PLD5: variants seen among roughly 807,000 people sequenced by gnomAD.
PLD5 encodes the protein phospholipase D family member 5.
In PLD5, 36 loss-of-function variants were observed where a neutral mutation model predicts 61.1. The observed-to-expected ratio is 0.59, with a 90% CI of 0.45 to 0.78. The LOEUF (loss-of-function observed/expected upper bound fraction) is 0.78. Ranked by LOEUF, PLD5 falls within the 30% of genes least tolerant of loss-of-function variation. PLD5 has a pLI of 0.00. For missense variants in PLD5, 515 were observed against 644.4 expected, an observed-to-expected ratio of 0.80 and a Z score of 2.17; for synonymous variants, 243 against 242.8, an observed-to-expected ratio of 1.00 and a Z score of -0.01.
intron 3 of PLD5, among the ~76,000 whole-genome samples, chr1:242,284,130 T>C (rs1674881560): frequency 8.4e-6 from 1 of 119,568 alleles, no homozygotes; most frequent in African/African-American, 3.2e-5. Flanking sequence ...TTTTTTTTTT[T>C]TTTTTTTTTT....
intron 7 of PLD5, among the ~76,000 whole-genome samples, chr1:242,113,352 C>T (rs1661693726): frequency 6.6e-6 from 1 of 152,114 alleles, no homozygotes; most frequent in African/African-American, 2.4e-5. Flanking sequence ...CTCGGCCTCC[C>T]AAAGTGCTGG....
chr1:242,307,359 A>G (rs77440916), intron 2 of PLD5, among the ~76,000 whole-genome samples: 3 of 127,342 alleles, frequency 2.4e-5, no homozygotes, highest in African/African-American at 5.6e-5. Flanking sequence ...GGTGATGATG[A>G]TGGTGATGAT....
chr1:242,454,190 A>T (rs1452593131), intron 1 of PLD5, among the ~76,000 whole-genome samples: 1 of 152,050 alleles, frequency 6.6e-6, no homozygotes, highest in Non-Finnish European at 1.5e-5. Context: ...AATATTCGCC[A>T]GGTGTGGTGG....
intron 5 of PLD5, among the ~76,000 whole-genome samples, chr1:242,190,308 G>A (rs918172052): frequency 6.6e-6 from 1 of 151,718 alleles, no homozygotes; most frequent in African/African-American, 2.4e-5. Context: ...ACCACGCCCG[G>A]CTAATTTTTT....
At chr1:242,458,154 G>A (rs987315630) in intron 1 of PLD5, among the ~76,000 whole-genome samples, 4 of 152,118 alleles carry the variant, frequency 2.6e-5, no homozygotes, top group African/African-American at 7.2e-5. Context: ...ATCAAAACAG[G>A]AATCACTGAT....
chr1:242,207,751 TA>T (rs1669417863), intron 5 of PLD5, among the ~76,000 whole-genome samples: 1 of 78,440 alleles, frequency 1.3e-5, no homozygotes, highest in African/African-American at 4.9e-5. Context: ...TATATATTTA[TA>T]TATATTTATA....
At chr1:242,453,560 C>A (rs1424104265) in intron 1 of PLD5, among the ~76,000 whole-genome samples, 1 of 152,084 alleles carries the variant, frequency 6.6e-6, no homozygotes, top group Non-Finnish European at 1.5e-5. Flanking sequence ...CATTATTTGC[C>A]TGTTCAAAAT....
intron 2 of PLD5, among the ~76,000 whole-genome samples, chr1:242,328,523 T>C (rs1558469418): frequency 1.3e-5 from 2 of 152,366 alleles, no homozygotes; most frequent in Middle Eastern, 3.4e-3. Flanking sequence ...TACATATTTA[T>C]GTGTTCTATA....
rs2810008 is a variant in PLD5, at chr1:242,524,088, G to T, written c.189C>A (p.His63Gln). The T allele has an allele frequency of 6.5e-7, 1 of 1,533,358 alleles. No individual in the cohort carries two copies. The highest frequency in any genetic ancestry group is 8.7e-7 in the Non-Finnish European group (1 of 1,145,440). The allele number at this position is 1,533,358 out of a possible 1,614,324, so 95.0% of individuals were successfully genotyped here. ...GCCCCCGGGAGCGAGTCGCCCTTAC[G>T]TGCTCCAGCTTGTCTTTCCTCCGAA... Reference protein sequence around the residue: ...VWLRRKDKLEHSQQKCIVIFA... With the variant: ...VWLRRKDKLEQSQQKCIVIFA... The change falls in exon 1 of 10, where the codon CAC (histidine) becomes CAA (glutamine). Residue 63 changes from histidine to glutamine, a missense_variant and splice_region_variant. His to Gln is a conservative substitution (Grantham distance 24, BLOSUM62 0). Around this residue, in one of 2 missense-constraint regions of PLD5, gnomAD observed 450 missense variants for 598.1 expected, o/e 0.75. Coordinates refer to ENST00000536534, the MANE Select transcript of PLD5 (RefSeq NM_001372062.1).
chr1:242,364,631 G>A (rs116269364), intron 1 of PLD5, among the ~76,000 whole-genome samples: 3,235 of 152,186 alleles, frequency 0.021, 48 homozygotes, highest in East Asian at 0.033. Flanking sequence ...CATGAGAATC[G>A]TTTAAACCCA....
At chr1:242,192,776 A>C (rs1668367232) in intron 5 of PLD5, among the ~76,000 whole-genome samples, 1 of 151,898 alleles carries the variant, frequency 6.6e-6, no homozygotes, top group Admixed American at 6.6e-5. Flanking sequence ...GATGCAGACC[A>C]CACAATTGCA....
chr1:242,146,849 C>T (rs965996970), intron 5 of PLD5, among the ~76,000 whole-genome samples: 1 of 152,160 alleles, frequency 6.6e-6, no homozygotes, highest in East Asian at 1.9e-4. Context: ...ATCACGGACT[C>T]ACAGGAAGCC....
At chr1:242,317,750 G>A (rs1343212110) in intron 2 of PLD5, among the ~76,000 whole-genome samples, 1 of 149,948 alleles carries the variant, frequency 6.7e-6, no homozygotes, top group African/African-American at 2.4e-5. Flanking sequence ...AAAAAAACCT[G>A]GCCATGTTCC....
intron 9 of PLD5, among the ~76,000 whole-genome samples, chr1:242,095,756 G>A (rs1660173779): frequency 6.6e-6 from 1 of 152,012 alleles, no homozygotes; most frequent in Non-Finnish European, 1.5e-5. Flanking sequence ...ATCCTGTCGT[G>A]CCTAAAACCT....
intron 1 of PLD5, among the ~76,000 whole-genome samples, chr1:242,458,326 T>C (rs938881546): frequency 6.6e-6 from 1 of 152,274 alleles, no homozygotes; most frequent in Non-Finnish European, 1.5e-5. Flanking sequence ...CCAAAGGTCA[T>C]ATTACTAATG....
rs1265579976 is a variant in PLD5 at position 242,207,800 on chromosome 1, TTATA to T, written c.735+12184_735+12187del. Among the ~76,000 whole-genome samples, 6 of 86,112 alleles carry T rather than the reference TTATA, an allele frequency of 7.0e-5. 1 individual carries two copies. The East Asian group carries it at 9.0e-4, about 13-fold the overall frequency. 56.5% of individuals were successfully genotyped at this position (86,112 alleles called of 152,430 possible). A position where few individuals can be genotyped will look rare whatever the true frequency, so the allele number is the denominator to read the frequency against. On this transcript the variant is annotated intron_variant, in intron 5 of 9. Transcript: ENST00000536534. ...TATATATATTTATATTTATATATAT[TTATA>T]TATATTTATATTTATATATTTATAT...
At chr1:242,517,251 A>G (rs745656398) in intron 1 of PLD5, among the ~76,000 whole-genome samples, 51 of 150,976 alleles carry the variant, frequency 3.4e-4, no homozygotes, top group Middle Eastern at 3.4e-3. Flanking sequence ...AGCGATGACC[A>G]TGGACATCTC....
chr1:242,178,770 C>A (rs1220810786), intron 5 of PLD5, among the ~76,000 whole-genome samples: 1 of 152,178 alleles, frequency 6.6e-6, no homozygotes, highest in East Asian at 1.9e-4. Context: ...ACATTTCACC[C>A]TATCAAGAAG....
Position 242,220,000 on chromosome 1 carries a change from T to C in PLD5, c.723A>G (p.Gln241=), listed in dbSNP as rs760256722. 3.1e-6 allele frequency: 5 copies of C among 1,614,032 alleles called. No homozygotes were observed. In the South Asian group the frequency reaches 3.3e-5, roughly 11 times the overall value. ...VYIGSAGLDW[Q]SLGQMKELGV... Reference sequence around the variant, plus strand: ...GTAGAAAGCTTACCTGTCCCAGGGATTGCCAGTCCAAACCGGCACTGCCGA... The same window carrying C: ...GTAGAAAGCTTACCTGTCCCAGGGACTGCCAGTCCAAACCGGCACTGCCGA... Residue 241 remains glutamine, a synonymous_variant, in exon 5 of 10, where the codon CAA becomes CAG. Coordinates refer to ENST00000536534, the MANE Select transcript of PLD5 (RefSeq NM_001372062.1).
Sources: gnomAD v4.1 joint callset for allele counts (sites outside exome capture counted in the v4.1 genomes callset) on GRCh38, gnomAD v4.1.1 for gene constraint, gnomAD v4.1.1 regional missense constraint, MANE v1.5 for transcripts, NCBI Gene and HGNC (gene_info 2026-07-23, HGNC 2026-07-21) for gene names.